The following CTNND2 variants were observed in gnomAD, a reference collection of about 807,000 sequenced individuals.
CTNND2 encodes catenin delta-2.
A neutral mutation model predicts 144.4 loss-of-function variants in CTNND2; 22 were observed. The ratio of observed to expected loss-of-function variants is 0.15; its 90% CI spans 0.11 to 0.22. The LOEUF (loss-of-function observed/expected upper bound fraction) is 0.22, where lower values mean the gene tolerates loss of function less well. CTNND2 is among the 10% of genes least tolerant of loss of function. The pLI, the probability that CTNND2 is intolerant of heterozygous loss-of-function variation, is 1.00. For missense variants in CTNND2, 1,353 were observed against 1,618.8 expected (o/e 0.84, Z 2.82); for synonymous variants, 751 against 695.6 (o/e 1.08, Z -1.25).
chr5:11,799,530 C>G (rs1001037315), intron 1 of CTNND2, among the ~76,000 whole-genome samples: 1 of 152,090 alleles, frequency 6.6e-6, no homozygotes, highest in African/African-American at 2.4e-5. Context: ...CTGTTTTTAT[C>G]TGTTACATCA....
At chr5:11,246,768 G>C (rs1743049665) in intron 9 of CTNND2, among the ~76,000 whole-genome samples, 1 of 152,038 alleles carries the variant, frequency 6.6e-6, no homozygotes, top group Admixed American at 6.5e-5. Context: ...GGCCAGGGGA[G>C]ACTGCTCCGA....
chr5:11,303,931 G>C (rs922024844), intron 9 of CTNND2, among the ~76,000 whole-genome samples: 2 of 152,136 alleles, frequency 1.3e-5, no homozygotes, highest in Admixed American at 6.5e-5. Flanking sequence ...CTGTTCTCAT[G>C]ATAGTGAATA....
At chr5:11,282,926 T>C (rs1747311287) in intron 9 of CTNND2, among the ~76,000 whole-genome samples, 1 of 152,182 alleles carries the variant, frequency 6.6e-6, no homozygotes, top group African/African-American at 2.4e-5. Flanking sequence ...GAAACTCATG[T>C]TAAAACTTGC....
rs974005184 is a variant in CTNND2, at chr5:11,224,365, C to T, written c.1761+12326G>A. Among the ~76,000 whole-genome samples the T allele has an allele frequency of 9.2e-5, 14 of 152,286 alleles. 1 individual carries two copies. The highest frequency in any genetic ancestry group is 4.6e-4 in the Admixed American group (7 of 15,294). On this transcript the variant is annotated intron_variant, in intron 10 of 21. Transcript: ENST00000304623. ...TCACTGTGGATCACATATCACATCT[C>T]TCTTGTGTTCACAAAGGTTGTAGAC...
chr5:11,637,212 A>C (rs1286870040), intron 2 of CTNND2, among the ~76,000 whole-genome samples: 1 of 152,220 alleles, frequency 6.6e-6, no homozygotes. Flanking sequence ...CTGAGCACTT[A>C]AATACTAATA....
At chr5:11,510,088 A>C (rs932230894) in intron 3 of CTNND2, among the ~76,000 whole-genome samples, 2 of 152,072 alleles carry the variant, frequency 1.3e-5, no homozygotes, top group African/African-American at 2.4e-5. Flanking sequence ...ATGCCAGCAC[A>C]CTTGGCAAAT....
At chr5:11,692,234 T>G (rs1399200617) in intron 2 of CTNND2, among the ~76,000 whole-genome samples, 1 of 152,234 alleles carries the variant, frequency 6.6e-6, no homozygotes, top group African/African-American at 2.4e-5. Flanking sequence ...TTAGGGGTTT[T>G]TATTTTTTCC....
intron 16 of CTNND2, among the ~76,000 whole-genome samples, chr5:11,025,074 A>G (rs758996562): frequency 6.6e-6 from 1 of 152,182 alleles, no homozygotes; most frequent in African/African-American, 2.4e-5. Context: ...AGTATTTCCA[A>G]TATAGGTTAC....
At chr5:11,550,649 G>T (rs961772173) in intron 3 of CTNND2, among the ~76,000 whole-genome samples, 1 of 152,350 alleles carries the variant, frequency 6.6e-6, no homozygotes, top group Non-Finnish European at 1.5e-5. Flanking sequence ...TGGGACTTAT[G>T]AATACAGCGT....
At chr5:11,045,142 G>A (rs1221922237) in intron 16 of CTNND2, among the ~76,000 whole-genome samples, 1 of 152,224 alleles carries the variant, frequency 6.6e-6, no homozygotes, top group Non-Finnish European at 1.5e-5. Flanking sequence ...GACATTTACT[G>A]GATTGGGGCT....
At chr5:11,550,721 T>C (rs1304569051) in intron 3 of CTNND2, among the ~76,000 whole-genome samples, 4 of 152,210 alleles carry the variant, frequency 2.6e-5, no homozygotes, top group African/African-American at 2.4e-5. Flanking sequence ...TCTCTGAAAT[T>C]TAACATTCCA....
intron 1 of CTNND2, among the ~76,000 whole-genome samples, chr5:11,829,223 C>T (rs1793758737): frequency 6.6e-6 from 1 of 152,156 alleles, no homozygotes; most frequent in African/African-American, 2.4e-5. Context: ...AAGTAAAACC[C>T]CATTTTCTGA....
At chr5:11,293,044 T>C (rs1748530040) in intron 9 of CTNND2, among the ~76,000 whole-genome samples, 1 of 152,242 alleles carries the variant, frequency 6.6e-6, no homozygotes, top group Non-Finnish European at 1.5e-5. Context: ...ATGCTCACAA[T>C]GACTCTGAAG....
chr5:11,248,361 A>T (rs1265277671), intron 9 of CTNND2, among the ~76,000 whole-genome samples: 1 of 150,634 alleles, frequency 6.6e-6, no homozygotes, highest in African/African-American at 2.4e-5. Context: ...ATATATGTGC[A>T]TGTGGGCACA....
chr5:11,740,383 C>A (rs11747850), intron 1 of CTNND2, among the ~76,000 whole-genome samples: 1 of 152,004 alleles, frequency 6.6e-6, no homozygotes, highest in African/African-American at 2.4e-5. Flanking sequence ...AGAAATAACA[C>A]CACACATCTA....
At chr5:11,822,035 C>A (rs1038237133) in intron 1 of CTNND2, among the ~76,000 whole-genome samples, 2 of 152,120 alleles carry the variant, frequency 1.3e-5, no homozygotes, top group Non-Finnish European at 2.9e-5. Flanking sequence ...TACACCCCAT[C>A]TATGTAGCAA....
intron 2 of CTNND2, among the ~76,000 whole-genome samples, chr5:11,593,837 C>G (rs1779375700): frequency 6.6e-6 from 1 of 152,068 alleles, no homozygotes; most frequent in Non-Finnish European, 1.5e-5. Flanking sequence ...AACTTCACTA[C>G]TCACCAGGGT....
intron 16 of CTNND2, among the ~76,000 whole-genome samples, chr5:11,059,489 C>A (rs1291448259): frequency 6.6e-6 from 1 of 152,140 alleles, no homozygotes; most frequent in Non-Finnish European, 1.5e-5. Flanking sequence ...ACTGTAAGTC[C>A]AATAAACCTC....
At chr5:11,717,428 T>A (rs1786415554) in intron 2 of CTNND2, among the ~76,000 whole-genome samples, 1 of 151,012 alleles carries the variant, frequency 6.6e-6, no homozygotes, top group African/African-American at 2.4e-5. Context: ...ACAAAAAAAA[T>A]TAGCCGGGCA....
Sources: allele counts gnomAD v4.1 joint callset (sites outside exome capture counted in the v4.1 genomes callset), GRCh38; gene constraint gnomAD v4.1.1; transcripts MANE v1.5; gene names NCBI Gene and HGNC (gene_info 2026-07-23, HGNC 2026-07-21).